TRHDE: variants seen among roughly 807,000 people sequenced by gnomAD.
TRHDE encodes thyrotropin-releasing hormone-degrading ectoenzyme.
In TRHDE, 72 loss-of-function variants were observed where a neutral mutation model predicts 125.7. The observed-to-expected ratio is 0.57, with a 90% CI of 0.47 to 0.70. The LOEUF (loss-of-function observed/expected upper bound fraction) is 0.70. TRHDE is among the 30% of genes least tolerant of loss of function. TRHDE has a pLI of 0.00. For synonymous variants in TRHDE, 509 were observed against 509.1 expected, an observed-to-expected ratio of 1.00 and a Z score of 0.00; for missense variants, 1,110 against 1,327.1, an observed-to-expected ratio of 0.84 and a Z score of 2.54.
At chr12:72,134,558 AC>A (rs1875938377) in intron 2 of TRHDE, among the ~76,000 whole-genome samples, 1 of 151,958 alleles carries the variant, frequency 6.6e-6, no homozygotes, top group Non-Finnish European at 1.5e-5. Flanking sequence ...TTTTTGCAAA[AC>A]TTTATTTGTA....
intron 2 of TRHDE, among the ~76,000 whole-genome samples, chr12:72,323,601 G>C (rs1869199037): frequency 6.6e-6 from 1 of 152,078 alleles, no homozygotes; most frequent in South Asian, 2.1e-4. Context: ...GATTATATAA[G>C]GGTACCTGAT....
In TRHDE at chr12:72,595,282, C is replaced by A. The variant is rs568718510; in HGVS notation, c.2321+19740C>A. On this transcript the variant is annotated intron_variant, in intron 12 of 18. Transcript: ENST00000261180. ...GTATAATAATAATAAAGTGCATTTT[C>A]AAAAATAAGCATTCAAAAAAACAAA... Among the ~76,000 whole-genome samples, 7 of 151,642 alleles carry A rather than the reference C, an allele frequency of 4.6e-5. No individual in the cohort carries two copies. The East Asian group carries it at 1.4e-3, about 30-fold the overall frequency.
At chr12:72,515,523 G>A (rs1472381139) in intron 6 of TRHDE, among the ~76,000 whole-genome samples, 1 of 152,090 alleles carries the variant, frequency 6.6e-6, no homozygotes, top group East Asian at 1.9e-4. Flanking sequence ...TGACTTCATT[G>A]TAGATTCTAG....
At chr12:72,352,237 GA>G (rs147186071) in intron 2 of TRHDE, among the ~76,000 whole-genome samples, 109 of 144,032 alleles carry the variant, frequency 7.6e-4, no homozygotes, top group South Asian at 3.1e-3. Context: ...TGTTGGGAGA[GA>G]AAAAAAAAAA....
intron 1 of TRHDE, among the ~76,000 whole-genome samples, chr12:72,284,958 A>G (rs1184383062): frequency 1.3e-5 from 2 of 152,210 alleles, no homozygotes; most frequent in Admixed American, 1.3e-4. Flanking sequence ...TAGTTAAGTT[A>G]CTTAACCAAG....
intron 2 of TRHDE, among the ~76,000 whole-genome samples, chr12:72,160,719 A>G: frequency 6.6e-6 from 1 of 152,060 alleles, no homozygotes. Context: ...GAAACAAAAC[A>G]AAACAAAAGA....
intron 2 of TRHDE, among the ~76,000 whole-genome samples, chr12:72,160,288 C>T (rs1252482793): frequency 6.6e-6 from 1 of 152,130 alleles, no homozygotes; most frequent in Non-Finnish European, 1.5e-5. Flanking sequence ...AAAACAGCAG[C>T]ATAAGCATCT....
intron 15 of TRHDE, among the ~76,000 whole-genome samples, chr12:72,643,052 A>C (rs1874132663): frequency 6.6e-6 from 1 of 152,192 alleles, no homozygotes; most frequent in Admixed American, 6.5e-5. Context: ...GTGCTTACCA[A>C]TCTTGTTTCA....
intron 6 of TRHDE, among the ~76,000 whole-genome samples, chr12:72,511,264 T>G (rs1040676713): frequency 6.6e-6 from 1 of 152,176 alleles, no homozygotes; most frequent in African/African-American, 2.4e-5. Flanking sequence ...ATTTACAGCT[T>G]ATCAGAAATT....
intron 2 of TRHDE, among the ~76,000 whole-genome samples, chr12:72,200,772 G>T (rs879809408): frequency 2.0e-5 from 3 of 152,134 alleles, no homozygotes; most frequent in Admixed American, 6.5e-5. Context: ...AGCTTGTCCT[G>T]CTTGTAAGGG....
intron 15 of TRHDE, among the ~76,000 whole-genome samples, chr12:72,625,577 T>C (rs962912067): frequency 3.9e-5 from 6 of 151,980 alleles, no homozygotes; most frequent in African/African-American, 1.4e-4. Flanking sequence ...ATTACTAGTA[T>C]TGTCTTTAAT....
At chr12:72,384,390 A>G (rs1213333600) in intron 3 of TRHDE, among the ~76,000 whole-genome samples, 2 of 152,198 alleles carry the variant, frequency 1.3e-5, no homozygotes, top group Non-Finnish European at 2.9e-5. Context: ...AGAGAATGCA[A>G]TATTTACAGA....
At chr12:72,286,200 A>G (rs1165373504) in intron 1 of TRHDE, among the ~76,000 whole-genome samples, 11 of 152,244 alleles carry the variant, frequency 7.2e-5, no homozygotes, top group Admixed American at 7.2e-4. Context: ...TTTTCTGAAC[A>G]AAACCAGGCT....
chr12:72,238,303 T>C (rs180943359), intron 2 of TRHDE, among the ~76,000 whole-genome samples: 1,182 of 31,996 alleles, frequency 0.037, 129 homozygotes, highest in African/African-American at 0.12. Flanking sequence ...TATATATATA[T>C]ATATATATAT....
At chr12:72,100,637 A>G (rs960127526) in intron 1 of TRHDE, among the ~76,000 whole-genome samples, 13 of 152,244 alleles carry the variant, frequency 8.5e-5, no homozygotes, top group African/African-American at 3.1e-4. Context: ...ATTTCTGAAA[A>G]TTGCTGCTTG....
chr12:72,363,847 G>A (rs1050868492), intron 2 of TRHDE, among the ~76,000 whole-genome samples: 61 of 152,042 alleles, frequency 4.0e-4, no homozygotes, highest in Middle Eastern at 3.4e-3. Context: ...GTTTGCAGAC[G>A]ACATGATTGT....
At chr12:72,191,876 T>C (rs1470023329) in intron 2 of TRHDE, among the ~76,000 whole-genome samples, 1 of 152,182 alleles carries the variant, frequency 6.6e-6, no homozygotes, top group Non-Finnish European at 1.5e-5. Context: ...ACTGAAATAC[T>C]TTCCGAAAAC....
intron 2 of TRHDE, among the ~76,000 whole-genome samples, chr12:72,327,249 G>A (rs1184180802): frequency 6.6e-6 from 1 of 152,102 alleles, no homozygotes; most frequent in Non-Finnish European, 1.5e-5. Flanking sequence ...GAGTTAGGGA[G>A]CCTTTTCTTA....
intron 6 of TRHDE, among the ~76,000 whole-genome samples, chr12:72,528,123 A>C (rs1868372925): frequency 6.6e-6 from 1 of 152,168 alleles, no homozygotes; most frequent in Admixed American, 6.5e-5. Flanking sequence ...ATTAGATGGA[A>C]ATTGGGAAAG....
Sources: gnomAD v4.1 joint callset for allele counts (sites outside exome capture counted in the v4.1 genomes callset) on GRCh38, gnomAD v4.1.1 for gene constraint, MANE v1.5 for transcripts, NCBI Gene and HGNC (gene_info 2026-07-23, HGNC 2026-07-21) for gene names.